NHSL3: variants seen among roughly 807,000 people sequenced by gnomAD.
The protein encoded by NHSL3 is NHS like 3.
the NHSL3 span, chr1:32,772,759 A>G: frequency 7.8e-6 from 9 of 1,155,698 alleles, no homozygotes; most frequent in Non-Finnish European, 1.2e-5. Context: ...CTGTCAGTAA[A>G]TCAAAGCGGT....
the NHSL3 span, among the ~76,000 whole-genome samples, chr1:32,744,434 C>T: frequency 2.0e-5 from 3 of 152,154 alleles, no homozygotes; most frequent in Non-Finnish European, 4.4e-5. Flanking sequence ...AATTGAGGCT[C>T]AGGGACAGTG....
the NHSL3 span, among the ~76,000 whole-genome samples, chr1:32,766,468 GGCCTT>G: frequency 6.6e-6 from 1 of 152,100 alleles, no homozygotes; most frequent in South Asian, 2.1e-4. Context: ...CCTTAGGCAA[GGCCTT>G]GCCCCTTTGA....
the NHSL3 span, chr1:32,769,824 G>A: frequency 1.2e-6 from 2 of 1,610,504 alleles, no homozygotes; most frequent in African/African-American, 1.3e-5. Flanking sequence ...TGGGGTGGGT[G>A]GGGAGCCTTG....
chr1:32,756,731 G>A, the NHSL3 span, among the ~76,000 whole-genome samples: 1 of 151,704 alleles, frequency 6.6e-6, no homozygotes, highest in Non-Finnish European at 1.5e-5. Context: ...CACTTTAGGA[G>A]GTTGAGGTGG....
the NHSL3 span, among the ~76,000 whole-genome samples, chr1:32,751,907 G>T: frequency 6.6e-6 from 1 of 152,166 alleles, no homozygotes; most frequent in Non-Finnish European, 1.5e-5. Flanking sequence ...CAAGGAACCT[G>T]CCACACTTCA....
chr1:32,748,407 C>T, the NHSL3 span, among the ~76,000 whole-genome samples: 31 of 152,104 alleles, frequency 2.0e-4, no homozygotes, highest in Admixed American at 1.2e-3. Flanking sequence ...TCTCTGGGGT[C>T]GTGGGCGCCT....
chr1:32,751,192 A>G, the NHSL3 span, among the ~76,000 whole-genome samples: 2 of 152,160 alleles, frequency 1.3e-5, no homozygotes, highest in Non-Finnish European at 2.9e-5. Flanking sequence ...TATGCCTTCC[A>G]TACCACCTAC....
At chr1:32,749,749 GCTCT>G in the NHSL3 span, among the ~76,000 whole-genome samples, 4 of 152,066 alleles carry the variant, frequency 2.6e-5, no homozygotes, top group Non-Finnish European at 5.9e-5. Flanking sequence ...GCTCCTTCCA[GCTCT>G]CTCTCCCTCA....
At chr1:32,752,113 T>C in the NHSL3 span, among the ~76,000 whole-genome samples, 1 of 152,150 alleles carries the variant, frequency 6.6e-6, no homozygotes, top group Non-Finnish European at 1.5e-5. Context: ...ACTAGGACCA[T>C]TTTCTCTGTG....
At chr1:32,760,884 C>T in the NHSL3 span, among the ~76,000 whole-genome samples, 9 of 152,166 alleles carry the variant, frequency 5.9e-5, no homozygotes, top group South Asian at 2.1e-4. Context: ...CCACCGCACC[C>T]GGCCATGTGG....
chr1:32,749,751 T>G, the NHSL3 span, among the ~76,000 whole-genome samples: 1 of 151,998 alleles, frequency 6.6e-6, no homozygotes. Context: ...TCCTTCCAGC[T>G]CTCTCTCCCT....
chr1:32,757,739 C>T, the NHSL3 span, among the ~76,000 whole-genome samples: 1 of 152,220 alleles, frequency 6.6e-6, no homozygotes, highest in Admixed American at 6.5e-5. Flanking sequence ...GAAGTGAAGT[C>T]ACTTTCTCAA....
chr1:32,768,743 T>C, the NHSL3 span: 2 of 1,613,932 alleles, frequency 1.2e-6, no homozygotes, highest in South Asian at 2.2e-5. Context: ...GAGGACGCGC[T>C]CTCCATCCGC....
the NHSL3 span, chr1:32,771,646 A>G: frequency 6.2e-7 from 1 of 1,612,074 alleles, no homozygotes; most frequent in Admixed American, 1.7e-5. Flanking sequence ...CTCCTCAGCT[A>G]CTGCTTTGCA....
At chr1:32,747,399 T>C in the NHSL3 span, among the ~76,000 whole-genome samples, 1 of 151,954 alleles carries the variant, frequency 6.6e-6, no homozygotes, top group East Asian at 1.9e-4. Context: ...GGTCTCGAAC[T>C]CCTGACCTCA....
the NHSL3 span, among the ~76,000 whole-genome samples, chr1:32,760,093 T>A: frequency 6.6e-6 from 1 of 152,234 alleles, no homozygotes; most frequent in Non-Finnish European, 1.5e-5. Context: ...TTTGTCCACC[T>A]GTGCAGTGAG....
At chr1:32,742,200 C>T in the NHSL3 span, 9 of 1,247,082 alleles carry the variant, frequency 7.2e-6, no homozygotes. Flanking sequence ...GTAAGGCGGT[C>T]GGCACCTGGG....
At chr1:32,767,958 G>GT in the NHSL3 span, 1 of 1,612,972 alleles carries the variant, frequency 6.2e-7, no homozygotes, top group Non-Finnish European at 8.5e-7. Flanking sequence ...CAACACCAAG[G>GT]TAAGCTTCCT....
At chr1:32,760,617 GTGTCACTC>G in the NHSL3 span, among the ~76,000 whole-genome samples, 1 of 149,350 alleles carries the variant, frequency 6.7e-6, no homozygotes. Flanking sequence ...TTGAGACCGA[GTGTCACTC>G]TGTCACCCAG....
Sources: gnomAD v4.1 joint callset for allele counts (sites outside exome capture counted in the v4.1 genomes callset) on GRCh38, gnomAD v4.1.1 for gene constraint, MANE v1.5 for transcripts, NCBI Gene and HGNC (gene_info 2026-07-23, HGNC 2026-07-21) for gene names.